Variants in OPN4 observed in about 807,000 individuals in gnomAD.
OPN4 encodes the protein opsin 4.
A neutral mutation model predicts 49.5 loss-of-function variants in OPN4; 43 were observed. That is an observed-to-expected ratio of 0.87 (90% CI 0.68 to 1.12). OPN4 has a LOEUF of 1.12. OPN4 is among the 50% of genes most tolerant of loss of function. The probability of loss-of-function intolerance (pLI) is 0.00; values close to 1 mark genes in which losing one functional copy is unlikely to be tolerated. For synonymous variants in OPN4, 263 were observed against 258.0 expected (o/e 1.02, Z -0.19); for missense variants, 657 against 643.9 (o/e 1.02, Z -0.22).
chr10:86,654,947 T>G lies in OPN4; in HGVS notation c.144+20T>G. 6.2e-7 allele frequency: 1 copy of G among 1,611,564 alleles called. No homozygotes were observed. The highest frequency in any genetic ancestry group is 2.2e-5 in the East Asian group (1 of 44,818). ...CCCACAGTAAGCCTGGGCGAGCATG[T>G]GCATGCACAGAGCCTTCCCTGACCC... On this transcript the variant is annotated intron_variant, in intron 1 of 9. Coordinates refer to ENST00000241891, the MANE Select transcript of OPN4 (RefSeq NM_033282.4).
rs962025912 is a variant in OPN4, at chr10:86,666,022, G to T, written c.*271G>T. ...ATGTGCCCAGGCCCTCCCACTTCCC[G>T]AGTTGTCTGCCTCTCCTCAAATGCT... On this transcript the variant is annotated 3_prime_UTR_variant, in exon 10 of 10. Coordinates refer to ENST00000241891, the MANE Select transcript of OPN4 (RefSeq NM_033282.4). The T allele has an allele frequency of 1.6e-5, 8 of 510,862 alleles. No homozygotes were observed. The East Asian group carries it at 2.0e-4, about 13-fold the overall frequency. The allele number at this position is 510,862 out of a possible 1,614,324, so 31.6% of individuals were successfully genotyped here. A position where few individuals can be genotyped will look rare whatever the true frequency, so the allele number is the denominator to read the frequency against.
In OPN4 at chr10:86,659,906, C is replaced by T. The variant is rs753797258; in HGVS notation, c.812C>T (p.Thr271Ile). 1 of 1,614,210 alleles carries T rather than the reference C, an allele frequency of 6.2e-7. No homozygotes were observed. The highest frequency in any genetic ancestry group is 1.1e-5 in the South Asian group (1 of 91,084). The change falls in exon 6 of 10, where the codon ACC becomes ATC. Residue 271 changes from threonine to isoleucine, a missense_variant. By Grantham distance (89) the Thr-to-Ile change is moderately conservative. Coordinates refer to ENST00000241891, the MANE Select transcript of OPN4 (RefSeq NM_033282.4). ...TGCGTCCTTCCTAGGGCTCTCCAGA[C>T]CTTCGGGGCCTGCAAGGGCAATGGC... is the stretch of plus-strand genomic sequence containing the variant. ...AIRETGRALQ[T>I]FGACKGNGES... is the part of the protein sequence containing the mutation.
chr10:86,659,415 T>G lies in OPN4; in HGVS notation c.747T>G (p.Leu249=). The G allele has an allele frequency of 6.2e-7, 1 of 1,614,104 alleles. No individual in the cohort carries two copies. Among genetic ancestry groups the G allele is most frequent in the Non-Finnish European group, 8.5e-7 (1 of 1,179,988 alleles). The stretch of plus-strand genomic sequence containing the variant: ...GCTTCGTGTTCTTCCTCCCTCTGCT[T>G]ATCATCATCTACTGCTACATCTTCA... ...LCCFVFFLPL[L]IIIYCYIFIF... is the part of the protein sequence containing the mutation. Residue 249 remains leucine (L), a synonymous_variant, in exon 5 of 10, where the codon CTT becomes CTG. Coordinates refer to ENST00000241891, the MANE Select transcript of OPN4 (RefSeq NM_033282.4).
chr10:86,664,394 C>A (rs933685809), intron 9 of OPN4, among the ~76,000 whole-genome samples: 1 of 152,124 alleles, frequency 6.6e-6, no homozygotes, highest in Non-Finnish European at 1.5e-5. Flanking sequence ...GGATGTCACC[C>A]GGAATACTTG....
At chr10:86,656,433 C>A in intron 2 of OPN4, 133 bp downstream of exon 2, 1 of 1,163,164 alleles carries the variant, frequency 8.6e-7, no homozygotes, top group Non-Finnish European at 1.2e-6. Context: ...AGGGCAGGGC[C>A]ATGCCTTCGA....
Position 86,658,373 on chromosome 10 carries a change from G to C in OPN4, c.425-111G>C, listed in dbSNP as rs373627847. 1.2e-4 allele frequency: 159 copies of C among 1,290,780 alleles called. 3 individuals carry two copies. In the East Asian group the frequency reaches 1.8e-3, roughly 14 times the overall value. 80.0% of individuals were successfully genotyped at this position (1,290,780 alleles called of 1,614,324 possible). A position where few individuals can be genotyped will look rare whatever the true frequency, so the allele number is the denominator to read the frequency against. On this transcript the variant is annotated intron_variant, in intron 3 of 9. Coordinates refer to ENST00000241891, the MANE Select transcript of OPN4 (RefSeq NM_033282.4). ...CCTTGGCCAGATGTGGCAGGTGGAGGGGGTGGAGTGCGCTCAGTCCTGCTC... is the reference window on the plus strand; with the variant it reads ...CCTTGGCCAGATGTGGCAGGTGGAGCGGGTGGAGTGCGCTCAGTCCTGCTC...
At chr10:86,663,849 G>A (rs749761189) in intron 9 of OPN4, 47 bp downstream of exon 9, 3 of 1,542,206 alleles carry the variant, frequency 1.9e-6, no homozygotes, top group South Asian at 2.4e-5. Flanking sequence ...TGGGGGTTAG[G>A]GGCCAGTAGC....
intron 9 of OPN4, 120 bp downstream of exon 9, chr10:86,663,922 C>T: frequency 8.2e-7 from 1 of 1,219,778 alleles, no homozygotes; most frequent in Non-Finnish European, 1.1e-6. Context: ...CTCCAGGAAT[C>T]ACCTGCTCCC....
At chr10:86,665,544 TACTCTGGGATGTGG>T (rs1457016392) in intron 9 of OPN4, among the ~76,000 whole-genome samples, 155 bp from the exon 10 acceptor site, 1 of 151,964 alleles carries the variant, frequency 6.6e-6, no homozygotes, top group East Asian at 1.9e-4. Flanking sequence ...TACCAGCTCT[TACTCTGGGATGTGG>T]ACTCTGGGAA....
At position 86,663,701 on chromosome 10, in the gene OPN4, C is replaced by A; in HGVS notation, c.1297C>A (p.Gln433Lys). 1 of 1,574,814 alleles carries A rather than the reference C, an allele frequency of 6.3e-7. No individual in the cohort carries two copies. The highest frequency in any genetic ancestry group is 8.6e-7 in the Non-Finnish European group (1 of 1,159,414). Reference sequence around the variant, plus strand: ...GGCAGCAGCTGTGTGGGGAGCTGCCCAGCAAGCAAATGGGCGGTCCCTCTA... The same window carrying A: ...GGCAGCAGCTGTGTGGGGAGCTGCCAAGCAAGCAAATGGGCGGTCCCTCTA... The part of the protein sequence containing the change: ...MEAAAVWGAA[Q>K]QANGRSLYGQ... Residue 433 changes from glutamine to lysine, a missense_variant, in exon 9 of 10, where the codon CAG becomes AAG. Coordinates refer to ENST00000241891, the MANE Select transcript of OPN4 (RefSeq NM_033282.4).
At chr10:86,657,509 T>C (rs1843899545) in intron 2 of OPN4, among the ~76,000 whole-genome samples, 1 of 151,782 alleles carries the variant, frequency 6.6e-6, no homozygotes, top group Admixed American at 6.6e-5. Flanking sequence ...GACGTGACAC[T>C]GGAGGGAGAG....
chr10:86,663,526 G>A, intron 8 of OPN4, 133 bp from the exon 9 acceptor site: 2 of 772,882 alleles, frequency 2.6e-6, no homozygotes, highest in Non-Finnish European at 3.8e-6. Flanking sequence ...ACCGGCAACG[G>A]TGCAAATGGT....
Position 86,658,145 on chromosome 10 carries a change from AG to A in OPN4, c.405del (p.Gln135HisfsTer24). ...PVFFTSSLYKQWLFGETGCEF... is the reference protein window; with the variant it reads ...PVFFTSSLYKXWLFGETGCEF... Reference sequence around the variant, plus strand: ...TTCTTCACCAGTAGCCTCTATAAGCAGTGGCTCTTTGGGGAGACAGGTAGAT... The same window carrying A: ...TTCTTCACCAGTAGCCTCTATAAGCATGGCTCTTTGGGGAGACAGGTAGAT... On this transcript the variant is annotated frameshift_variant, in exon 3 of 10. Coordinates refer to ENST00000241891, the MANE Select transcript of OPN4 (RefSeq NM_033282.4). LOFTEE classifies it high-confidence loss of function. 1 of 1,613,972 alleles carries A rather than the reference AG, an allele frequency of 6.2e-7. No homozygotes were observed. The highest frequency in any genetic ancestry group is 8.5e-7 in the Non-Finnish European group (1 of 1,179,976).
chr10:86,659,943 G>T lies in OPN4; in HGVS notation c.849G>T (p.Trp283Cys), dbSNP rs145634412. Residue 283 changes from tryptophan (W) to cysteine (C), a missense_variant, in exon 6 of 10, where the codon TGG becomes TGT. Physicochemically the swap from Trp to Cys is radical, Grantham distance 215. Coordinates refer to ENST00000241891, the MANE Select transcript of OPN4 (RefSeq NM_033282.4). The stretch of plus-strand genomic sequence containing the variant: ...GCAAGGGCAATGGCGAGTCCCTGTG[G>T]CAGCGGCAGCGGCTGCAGAGCGAGT... ...GACKGNGESL[W>C]QRQRLQSECK... 3.5e-3 allele frequency: 5,622 copies of T among 1,614,128 alleles called. 15 individuals are homozygous for T. The highest frequency in any genetic ancestry group is 4.4e-3 in the Non-Finnish European group (5,193 of 1,180,014).
chr10:86,654,575 C>T lies in OPN4; in HGVS notation c.-209C>T, dbSNP rs895991580. Reference sequence around the variant, plus strand: ...AGTCACCATAACTGCGACACTCACTCATTTGCGCTTCACCAGACACAGAGC... The same window carrying T: ...AGTCACCATAACTGCGACACTCACTTATTTGCGCTTCACCAGACACAGAGC... On this transcript the variant is annotated 5_prime_UTR_variant, in exon 1 of 10. Transcript: ENST00000241891. The T allele has an allele frequency of 1.7e-6, 1 of 577,146 alleles. No individual in the cohort carries two copies. The allele number at this position is 577,146 out of a possible 1,614,324, so 35.8% of individuals were successfully genotyped here. A position where few individuals can be genotyped will look rare whatever the true frequency, so the allele number is the denominator to read the frequency against.
chr10:86,658,522 A>G lies in OPN4; in HGVS notation c.463A>G (p.Ile155Val), dbSNP rs758328642. The change falls in exon 4 of 10, where the codon ATT (isoleucine) becomes GTT (valine). Residue 155 changes from isoleucine to valine, a missense_variant. Ile to Val is a conservative substitution (Grantham distance 29, BLOSUM62 3). Coordinates refer to ENST00000241891, the MANE Select transcript of OPN4 (RefSeq NM_033282.4). ...FYAFCGALFG[I>V]SSMITLTAIA... ...TGCCTTCTGTGGAGCTCTCTTTGGC[A>G]TTTCCTCCATGATCACCCTGACGGC... is the stretch of plus-strand genomic sequence containing the variant. The G allele has an allele frequency of 1.2e-6, 2 of 1,614,142 alleles. No individual in the cohort carries two copies. Among genetic ancestry groups the G allele is most frequent in the Non-Finnish European group, 1.7e-6 (2 of 1,180,034 alleles).
intron 1 of OPN4, among the ~76,000 whole-genome samples, chr10:86,655,483 G>A (rs1189893768): frequency 6.6e-6 from 1 of 152,200 alleles, no homozygotes; most frequent in Non-Finnish European, 1.5e-5. Context: ...CAGAGACCAA[G>A]CCACCCTCTC....
At chr10:86,661,114 CA>C (rs61612272) in intron 6 of OPN4, among the ~76,000 whole-genome samples, 166 bp from the exon 7 acceptor site, 4,593 of 146,300 alleles carry the variant, frequency 0.031, 166 homozygotes, top group Admixed American at 0.12. Flanking sequence ...GGCGACAGAG[CA>C]AAAAAAAAAA....
chr10:86,654,699 T>C lies in OPN4; in HGVS notation c.-85T>C, dbSNP rs547580988. ...AGGGGTGCTGAGGATGGAGGAAAGT[T>C]GGGAGGCTGAGCACAGCTGAAGTCC... is the stretch of plus-strand genomic sequence containing the variant. On this transcript the variant is annotated 5_prime_UTR_variant, in exon 1 of 10. Coordinates refer to ENST00000241891, the MANE Select transcript of OPN4 (RefSeq NM_033282.4). The C allele has an allele frequency of 6.6e-5, 102 of 1,537,332 alleles. No individual in the cohort carries two copies. The highest frequency in any genetic ancestry group is 9.5e-5 in the Admixed American group (5 of 52,704).
Sources: allele counts gnomAD v4.1 joint callset (sites outside exome capture counted in the v4.1 genomes callset), GRCh38; gene constraint gnomAD v4.1.1; transcripts MANE v1.5; gene names NCBI Gene and HGNC (gene_info 2026-07-23, HGNC 2026-07-21).